Variants in PLCB1 observed in about 807,000 individuals in gnomAD.
The protein encoded by PLCB1 is phospholipase C beta 1, also known as 1-phosphatidylinositol 4,5-bisphosphate phosphodiesterase beta-1.
In PLCB1, 46 loss-of-function variants were observed where a neutral mutation model predicts 161.8. The observed-to-expected ratio is 0.28, with a 90% CI of 0.22 to 0.36. The LOEUF is 0.36. PLCB1 is among the 10% of genes least tolerant of loss of function. PLCB1 has a pLI of 1.00. For synonymous variants in PLCB1, 517 were observed against 503.7 expected (o/e 1.03, Z -0.35); for missense variants, 1,016 against 1,472.5 (o/e 0.69, Z 5.07).
chr20:8,289,650 G>A (rs576261040), intron 2 of PLCB1, among the ~76,000 whole-genome samples: 1 of 152,280 alleles, frequency 6.6e-6, no homozygotes, highest in East Asian at 1.9e-4. Flanking sequence ...TCTATTGAAA[G>A]ATGAAGTTAT....
At chr20:8,737,657 T>C (rs184551789) in intron 20 of PLCB1, among the ~76,000 whole-genome samples, 119 of 152,316 alleles carry the variant, frequency 7.8e-4, no homozygotes, top group African/African-American at 2.6e-3. Flanking sequence ...AGTTGAAACC[T>C]TTCACACTCA....
At chr20:8,596,692 C>T (rs1163524331) in intron 3 of PLCB1, among the ~76,000 whole-genome samples, 1 of 116,036 alleles carries the variant, frequency 8.6e-6, no homozygotes, top group Non-Finnish European at 1.8e-5. Context: ...TTACCTTGGG[C>T]AGTATGGCCA....
chr20:8,788,278 A>G (rs878973450), intron 27 of PLCB1, among the ~76,000 whole-genome samples, 171 bp from the exon 28 acceptor site: 1 of 152,246 alleles, frequency 6.6e-6, no homozygotes, highest in Non-Finnish European at 1.5e-5. Context: ...CCTAGATAAT[A>G]TGATGGTTCT....
intron 3 of PLCB1, among the ~76,000 whole-genome samples, chr20:8,622,523 C>T (rs1033745542): frequency 1.3e-5 from 2 of 152,110 alleles, no homozygotes; most frequent in African/African-American, 4.8e-5. Flanking sequence ...GACTGTCCAC[C>T]AGTGATGGAT....
chr20:8,400,890 G>A (rs748362648), intron 3 of PLCB1, among the ~76,000 whole-genome samples: 16 of 151,904 alleles, frequency 1.1e-4, no homozygotes, highest in Non-Finnish European at 2.1e-4. Flanking sequence ...AGGTATATTC[G>A]AATTTCCTGT....
At chr20:8,146,105 G>GTTT (rs58227641) in intron 1 of PLCB1, among the ~76,000 whole-genome samples, 1 of 141,752 alleles carries the variant, frequency 7.1e-6, no homozygotes. Context: ...TGTTTTTTTT[G>GTTT]TTTTTTTTTT....
intron 2 of PLCB1, among the ~76,000 whole-genome samples, chr20:8,171,202 TATC>T (rs1174146188): frequency 1.3e-5 from 2 of 152,102 alleles, no homozygotes; most frequent in African/African-American, 4.8e-5. Flanking sequence ...CTTTCAACAA[TATC>T]ATGTTTAATA....
Position 8,147,872 on chromosome 20 carries a change from G to GTTTT in PLCB1, c.100-2407_100-2404dup, listed in dbSNP as rs559136150. The stretch of plus-strand genomic sequence containing the variant: ...TGTTCCTAAATATAAATTTTGAAAA[G>GTTTT]TTTTTTTTTTTTTTTTTTGAGACGG... On this transcript the variant is annotated intron_variant, in intron 1 of 31. Coordinates refer to ENST00000338037, the MANE Select transcript of PLCB1 (RefSeq NM_015192.4). 6.9e-5 allele frequency among the ~76,000 whole-genome samples: 9 copies of GTTTT among 130,460 alleles called. 1 individual carries two copies. Among genetic ancestry groups the GTTTT allele is most frequent in the Non-Finnish European group, 9.5e-5 (6 of 63,042 alleles). The allele number at this position is 130,460 out of a possible 152,430, so 85.6% of individuals were successfully genotyped here. A position where few individuals can be genotyped will look rare whatever the true frequency, so the allele number is the denominator to read the frequency against.
At chr20:8,136,525 C>T (rs1282018123) in intron 1 of PLCB1, among the ~76,000 whole-genome samples, 3 of 151,622 alleles carry the variant, frequency 2.0e-5, no homozygotes, top group Non-Finnish European at 4.4e-5. Flanking sequence ...GCTCGGGAGG[C>T]TGAGGCAGGA....
At chr20:8,390,248 T>G (rs1050200326) in intron 3 of PLCB1, among the ~76,000 whole-genome samples, 3 of 152,120 alleles carry the variant, frequency 2.0e-5, no homozygotes, top group Non-Finnish European at 2.9e-5. Flanking sequence ...TTGGAGGCCT[T>G]TCTCCTCGGC....
intron 2 of PLCB1, among the ~76,000 whole-genome samples, chr20:8,165,405 A>G (rs557479656): frequency 2.8e-4 from 43 of 152,308 alleles, no homozygotes; most frequent in African/African-American, 8.9e-4. Context: ...CATTGAGGAA[A>G]CTGAGGCTAT....
intron 31 of PLCB1, among the ~76,000 whole-genome samples, chr20:8,875,757 T>C (rs538744754): frequency 6.6e-6 from 1 of 152,086 alleles, no homozygotes; most frequent in African/African-American, 2.4e-5. Flanking sequence ...TTTGTTTCCT[T>C]AGGAAATTGG....
chr20:8,391,829 A>AAGT (rs1987614129), intron 3 of PLCB1, among the ~76,000 whole-genome samples: 1 of 144,140 alleles, frequency 6.9e-6, no homozygotes, highest in Non-Finnish European at 1.5e-5. Context: ...ATATATACAC[A>AAGT]CACATATATA....
At chr20:8,444,755 A>G (rs1372283719) in intron 3 of PLCB1, among the ~76,000 whole-genome samples, 1 of 152,108 alleles carries the variant, frequency 6.6e-6, no homozygotes, top group Non-Finnish European at 1.5e-5. Context: ...CTAGTGTGAG[A>G]TGGTATCTCA....
Position 8,684,126 on chromosome 20 carries a change from T to C in PLCB1, c.863-806T>C, listed in dbSNP as rs183995140. 9.0e-3 allele frequency among the ~76,000 whole-genome samples: 1,377 copies of C among 152,206 alleles called. 17 individuals carry two copies. The highest frequency in any genetic ancestry group is 0.028 in the African/African-American group (1,165 of 41,534). On this transcript the variant is annotated intron_variant, in intron 9 of 31. Transcript: ENST00000338037. ...GTCTCGATCTCCTGACCTTGTGATC[T>C]GCCCACCTTGGCCTCCCAAAGTGCT...
At chr20:8,627,370 C>A (rs956366785) in intron 3 of PLCB1, among the ~76,000 whole-genome samples, 1 of 143,770 alleles carries the variant, frequency 7.0e-6, no homozygotes, top group African/African-American at 2.6e-5. Context: ...TGCTGTATAT[C>A]AAAACCTCCA....
chr20:8,168,453 G>C (rs7273266), intron 2 of PLCB1, among the ~76,000 whole-genome samples: 27,010 of 152,006 alleles, frequency 0.18, 2,558 homozygotes, highest in African/African-American at 0.24. Context: ...CTGCAGTGAG[G>C]TGGGTGTCTC....
At chr20:8,158,118 A>G (rs1314698718) in intron 2 of PLCB1, among the ~76,000 whole-genome samples, 2 of 152,250 alleles carry the variant, frequency 1.3e-5, no homozygotes, top group Non-Finnish European at 2.9e-5. Flanking sequence ...GGTTCGAGCC[A>G]TTGGATTGGC....
intron 3 of PLCB1, among the ~76,000 whole-genome samples, chr20:8,512,942 T>C (rs1028166866): frequency 3.3e-5 from 5 of 152,150 alleles, no homozygotes; most frequent in Admixed American, 2.6e-4. Flanking sequence ...CATCTCCCCT[T>C]TTACCTCCCA....
Sources: allele counts gnomAD v4.1 joint callset (sites outside exome capture counted in the v4.1 genomes callset), GRCh38; gene constraint gnomAD v4.1.1; transcripts MANE v1.5; gene names NCBI Gene and HGNC (gene_info 2026-07-23, HGNC 2026-07-21).